MYO5C: variants seen among roughly 807,000 people sequenced by gnomAD.
MYO5C encodes unconventional myosin-Vc.
MYO5C carries 194 observed loss-of-function variants against 235.7 expected under a neutral mutation model. The ratio of observed to expected loss-of-function variants is 0.82; its 90% CI spans 0.73 to 0.93. MYO5C has a LOEUF of 0.93. MYO5C is among the 40% of genes least tolerant of loss of function. The pLI is 0.00. For synonymous variants in MYO5C, 707 were observed against 754.8 expected (o/e 0.94, Z 1.04); for missense variants, 2,038 against 2,127.2 (o/e 0.96, Z 0.82).
chr15:52,204,254 C>T (rs116495724), intron 38 of MYO5C, among the ~76,000 whole-genome samples: 1,525 of 151,966 alleles, frequency 0.01, 21 homozygotes, highest in African/African-American at 0.035. Flanking sequence ...CCACACCAGC[C>T]TCCGCTTACT....
Position 52,274,177 on chromosome 15 carries a change from T to C in MYO5C, c.606+1385A>G, listed in dbSNP as rs556559209. ...GCTCGGTAAACAAAGGTAAACCAAA[T>C]AGATACAGTCCCGCCTTCATGGAGT... On this transcript the variant is annotated intron_variant, in intron 5 of 40. Transcript: ENST00000261839. Among the ~76,000 whole-genome samples, 5 of 152,256 alleles carry C rather than the reference T, an allele frequency of 3.3e-5. No individual in the cohort carries two copies. The East Asian group carries it at 7.7e-4, about 23-fold the overall frequency.
At chr15:52,285,431 CCCTCTCCCTCTCCCT>C (rs1566995060) in intron 1 of MYO5C, among the ~76,000 whole-genome samples, 2 of 106,682 alleles carry the variant, frequency 1.9e-5, no homozygotes, top group South Asian at 3.3e-4. Context: ...CTCTCCCTCT[CCCTCTCCCTCTCCCT>C]CCTCTCCCTC....
intron 25 of MYO5C, among the ~76,000 whole-genome samples, chr15:52,228,021 A>AG (rs2035866579): frequency 6.6e-6 from 1 of 152,230 alleles, no homozygotes; most frequent in South Asian, 2.1e-4. Flanking sequence ...TAGGGAAACA[A>AG]TTCACTTAAG....
Position 52,195,962 on chromosome 15 carries a change from CTTTTTTTTTTT to C in MYO5C, c.4995+336_4995+346del, listed in dbSNP as rs71130140. Among the ~76,000 whole-genome samples the C allele has an allele frequency of 1.9e-4, 15 of 80,982 alleles. No individual in the cohort carries two copies. The South Asian group carries it at 1.9e-3, about 10-fold the overall frequency. 53.1% of individuals were successfully genotyped at this position (80,982 alleles called of 152,430 possible). A position where few individuals can be genotyped will look rare whatever the true frequency, so the allele number is the denominator to read the frequency against. ...CAAAGGTGTGTGCCATCACACCCAG[CTTTTTTTTTTT>C]TTTTTTTTTTTTTTTTTTTTTGGTA... is the stretch of plus-strand genomic sequence containing the variant. On this transcript the variant is annotated intron_variant, in intron 39 of 40. Transcript: ENST00000261839.
chr15:52,262,392 T>C (rs1446563883), intron 9 of MYO5C, among the ~76,000 whole-genome samples: 1 of 152,194 alleles, frequency 6.6e-6, no homozygotes, highest in Non-Finnish European at 1.5e-5. Flanking sequence ...GAGGGCTCAG[T>C]GTGATGGCAT....
intron 1 of MYO5C, among the ~76,000 whole-genome samples, chr15:52,285,674 T>C (rs1286279647): frequency 1.3e-5 from 2 of 152,260 alleles, no homozygotes; most frequent in Admixed American, 1.3e-4. Flanking sequence ...TTTCGCTGTG[T>C]TGGCCGGGCT....
chr15:52,246,509 G>A (rs1434025267), intron 16 of MYO5C, among the ~76,000 whole-genome samples: 1 of 151,996 alleles, frequency 6.6e-6, no homozygotes, highest in Non-Finnish European at 1.5e-5. Context: ...AAGCTACAAG[G>A]GACTTGTTAC....
At chr15:52,277,893 T>G (rs1204041013) in intron 4 of MYO5C, 2 of 455,958 alleles carry the variant, frequency 4.4e-6, no homozygotes, top group East Asian at 1.4e-4. Context: ...GAACCAGGAA[T>G]GGGTGCCCTC....
Position 52,269,766 on chromosome 15 carries a change from G to A in MYO5C, c.927C>T (p.Thr309=), listed in dbSNP as rs142061334. ...ATTTTCCCTTACCCAGAAGCGTGAA[G>A]GTCTTTTGAGTCTCTACCATTTCAG... ...DRAEMVETQK[T]FTLLGFKEDF... The change falls in exon 8 of 41, where the codon ACC becomes ACT. Residue 309 remains threonine (T), a synonymous_variant. Coordinates refer to ENST00000261839, the MANE Select transcript of MYO5C (RefSeq NM_018728.4). 3.1e-5 allele frequency: 50 copies of A among 1,608,928 alleles called. No individual in the cohort carries two copies. In the African/African-American group the frequency reaches 6.2e-4, roughly 20 times the overall value.
intron 35 of MYO5C, among the ~76,000 whole-genome samples, chr15:52,211,094 C>G (rs1425602779): frequency 6.6e-6 from 1 of 152,196 alleles, no homozygotes; most frequent in African/African-American, 2.4e-5. Flanking sequence ...TAGGGAATGG[C>G]CAACAGCAAG....
In MYO5C at chr15:52,260,843, T is replaced by C. The variant is rs778188225; in HGVS notation, c.1313+19A>G. ...AACATTTAAAGGAGGAAAGACAGGC[T>C]CACTGAAGAGAATCTTACCCATAAA... On this transcript the variant is annotated intron_variant, in intron 10 of 40. Transcript: ENST00000261839. 11 of 1,611,630 alleles carry C rather than the reference T, an allele frequency of 6.8e-6. No individual in the cohort carries two copies. The East Asian group carries it at 1.6e-4, about 23-fold the overall frequency.
At chr15:52,233,710 G>A (rs911407760) in intron 23 of MYO5C, among the ~76,000 whole-genome samples, 4 of 152,318 alleles carry the variant, frequency 2.6e-5, no homozygotes, top group Admixed American at 6.5e-5. Flanking sequence ...AGGGCAGGAC[G>A]TTCCATGGCT....
chr15:52,292,264 A>G (rs755343854), intron 1 of MYO5C, among the ~76,000 whole-genome samples: 25 of 152,212 alleles, frequency 1.6e-4, no homozygotes, highest in Non-Finnish European at 2.9e-4. Context: ...AGCAGGTGTC[A>G]GGAGAGGTAG....
At position 52,246,043 on chromosome 15, in the gene MYO5C, C is replaced by A. The variant is rs1339363696; in HGVS notation, c.1980-1G>T. The A allele has an allele frequency of 6.2e-7, 1 of 1,613,366 alleles. No individual in the cohort carries two copies. Among genetic ancestry groups the A allele is most frequent in the East Asian group, 2.2e-5 (1 of 44,882 alleles). On this transcript the variant is annotated splice_acceptor_variant, in intron 16 of 40. Coordinates refer to ENST00000261839, the MANE Select transcript of MYO5C (RefSeq NM_018728.4). LOFTEE classifies it high-confidence loss of function. ...CTGAACAATTCTTTTGGAGTCAAATCTTTAAAAAGACAATGATATTATGTG... is the reference window on the plus strand; with the variant it reads ...CTGAACAATTCTTTTGGAGTCAAATATTTAAAAAGACAATGATATTATGTG...
At chr15:52,258,687 C>T (rs2036630008) in intron 10 of MYO5C, among the ~76,000 whole-genome samples, 1 of 152,144 alleles carries the variant, frequency 6.6e-6, no homozygotes, top group Non-Finnish European at 1.5e-5. Flanking sequence ...AGGCTGCAGC[C>T]CTGCTGCCTA....
chr15:52,256,638 C>T lies in MYO5C; in HGVS notation c.1395+1G>A, dbSNP rs758245643. 7.1e-6 allele frequency: 11 copies of T among 1,553,938 alleles called. No homozygotes were observed. In the Admixed American group the frequency reaches 1.9e-4, roughly 27 times the overall value. ...GTCAAGAAGGCAGAAAGGTCACCTACCATGTTAAACTGTTGTTGCAGTTTT... is the reference window on the plus strand; with the variant it reads ...GTCAAGAAGGCAGAAAGGTCACCTATCATGTTAAACTGTTGTTGCAGTTTT... On this transcript the variant is annotated splice_donor_variant, in intron 11 of 40. Coordinates refer to ENST00000261839, the MANE Select transcript of MYO5C (RefSeq NM_018728.4). LOFTEE classifies it high-confidence loss of function.
chr15:52,225,049 ATGTT>A lies in MYO5C; in HGVS notation c.3365+22_3365+25del, dbSNP rs753330717. ...GTTTTACATGTTTACATGTCTTAAA[ATGTT>A]TGATAATGCAAAAATGATTACCTGC... On this transcript the variant is annotated intron_variant, in intron 27 of 40. Coordinates refer to ENST00000261839, the MANE Select transcript of MYO5C (RefSeq NM_018728.4). 4.4e-5 allele frequency: 71 copies of A among 1,613,772 alleles called. 1 individual carries two copies. In the South Asian group the frequency reaches 7.7e-4, roughly 17 times the overall value.
rs2035788136 is a variant in MYO5C, at chr15:52,224,988, A to G, written c.3366-7T>C. On this transcript the variant is annotated splice_region_variant and splice_polypyrimidine_tract_variant and intron_variant, in intron 27 of 40. Coordinates refer to ENST00000261839, the MANE Select transcript of MYO5C (RefSeq NM_018728.4). The stretch of plus-strand genomic sequence containing the variant: ...CAGATCTTCCACAGAGAGCCTGCAA[A>G]ATAAGGAAGATAAGAAAATCTATCA... The G allele has an allele frequency of 6.2e-7, 1 of 1,613,980 alleles. No homozygotes were observed.
chr15:52,208,692 C>A, intron 35 of MYO5C, 49 bp from the exon 36 acceptor site: 1 of 1,515,182 alleles, frequency 6.6e-7, no homozygotes, highest in East Asian at 2.3e-5. Context: ...TTACTTGTAC[C>A]TCTGAGCATT....
Sources: gnomAD v4.1 joint callset for allele counts (sites outside exome capture counted in the v4.1 genomes callset) on GRCh38, gnomAD v4.1.1 for gene constraint, MANE v1.5 for transcripts, NCBI Gene and HGNC (gene_info 2026-07-23, HGNC 2026-07-21) for gene names.